The following CSPG4 variants were observed in gnomAD, a reference collection of about 807,000 sequenced individuals.
The protein encoded by CSPG4 is chondroitin sulfate proteoglycan 4 (melanoma-associated).
CSPG4 carries 74 observed loss-of-function variants against 139.3 expected under a neutral mutation model. The ratio of observed to expected loss-of-function variants is 0.53; its 90% CI spans 0.44 to 0.64. The LOEUF (loss-of-function observed/expected upper bound fraction) is 0.64, where lower values mean the gene tolerates loss of function less well. CSPG4 is among the 30% of genes least tolerant of loss of function. The probability of loss-of-function intolerance (pLI) is 0.00; values close to 1 mark genes in which losing one functional copy is unlikely to be tolerated. For synonymous variants in CSPG4, 1,234 were observed against 1,394.2 expected, an observed-to-expected ratio of 0.89 and a Z score of 2.56; for missense variants, 2,565 against 3,148.3, an observed-to-expected ratio of 0.81 and a Z score of 4.43.
Position 75,688,113 on chromosome 15 carries a change from G to A in CSPG4, c.2952C>T (p.Ile984=), listed in dbSNP as rs757763629. Residue 984 remains isoleucine (I), a synonymous_variant, in exon 3 of 10, where the codon ATC becomes ATT. Transcript: ENST00000308508. ...CGCCCTGGCGGGTAGCAACAAATGG[G>A]ATATCATCTTCTGTGGTCTCGGAGT... ...HDDSETTEDD[I]PFVATRQGES... The A allele has an allele frequency of 6.2e-7, 1 of 1,612,864 alleles. No homozygotes were observed. Among genetic ancestry groups the A allele is most frequent in the Non-Finnish European group, 8.5e-7 (1 of 1,179,874 alleles).
At chr15:75,703,906 G>A (rs1439007033) in intron 1 of CSPG4, among the ~76,000 whole-genome samples, 2 of 105,456 alleles carry the variant, frequency 1.9e-5, no homozygotes, top group Non-Finnish European at 3.9e-5. Flanking sequence ...GGGGCTGGGT[G>A]GGTCTGGCTG....
At chr15:75,693,032 C>T in intron 2 of CSPG4, 38 bp downstream of exon 2, 1 of 1,061,548 alleles carries the variant, frequency 9.4e-7, no homozygotes. Context: ...GGAATCCCAC[C>T]CCGAATCCCG....
At chr15:75,708,984 A>C (rs2141442359) in intron 1 of CSPG4, among the ~76,000 whole-genome samples, 1 of 152,250 alleles carries the variant, frequency 6.6e-6, no homozygotes, top group South Asian at 2.1e-4. Flanking sequence ...CCTGACCTGC[A>C]GGGCTGCTGT....
chr15:75,692,397 G>A (rs1457684321), intron 2 of CSPG4, among the ~76,000 whole-genome samples: 1 of 152,216 alleles, frequency 6.6e-6, no homozygotes, highest in Non-Finnish European at 1.5e-5. Flanking sequence ...TGGGATTATA[G>A]GCATGAGCCA....
intron 2 of CSPG4, among the ~76,000 whole-genome samples, chr15:75,691,152 C>T (rs1206055349): frequency 6.6e-6 from 1 of 152,144 alleles, no homozygotes; most frequent in Non-Finnish European, 1.5e-5. Flanking sequence ...CCAGCCTGGG[C>T]AGCAAGAGCG....
rs1317257022 is a variant in CSPG4 at position 75,682,315 on chromosome 15, A to G, written c.4928T>C (p.Leu1643Pro). Residue 1643 changes from leucine (L) to proline (P), a missense_variant, in exon 8 of 10, where the codon CTG becomes CCG. Leu to Pro is a moderately conservative substitution (Grantham distance 98, BLOSUM62 -3). This residue lies in a region of CSPG4 where 2,316 missense variants were observed against 2,818.2 expected (regional missense o/e 0.82). Coordinates refer to ENST00000308508, the MANE Select transcript of CSPG4 (RefSeq NM_001897.5). ...TACCTCTGCCTGAGTGAAGTTCACC[A>G]GGGCCTCCCCTGTGCTGTCCTGCTG... ...HAQQDSTGEA[L>P]VNFTQAEVYA... is the part of the protein sequence containing the mutation. 1 of 1,596,652 alleles carries G rather than the reference A, an allele frequency of 6.3e-7. No individual in the cohort carries two copies. The highest frequency in any genetic ancestry group is 2.2e-5 in the East Asian group (1 of 44,864).
chr15:75,689,346 C>T lies in CSPG4; in HGVS notation c.1719G>A (p.Leu573=), dbSNP rs755629969. The T allele has an allele frequency of 5.0e-6, 8 of 1,611,680 alleles. No individual in the cohort carries two copies. The highest frequency in any genetic ancestry group is 2.2e-5 in the South Asian group (2 of 91,014). The change falls in exon 3 of 10, where the codon CTG becomes CTA. Residue 573 remains leucine (L), a synonymous_variant. Coordinates refer to ENST00000308508, the MANE Select transcript of CSPG4 (RefSeq NM_001897.5). The part of the protein sequence containing the change: ...MVILEHTQKP[L]GPEVFQAYDP... ...CATAGGCCTGGAAAACCTCAGGCCC[C>T]AGCGGCTTCTGCGTGTGTTCCAGGA...
rs1226254595 is a variant in CSPG4 at position 75,674,476 on chromosome 15, A to G, written c.*1074T>C. The G allele has an allele frequency of 2.7e-6, 1 of 368,510 alleles. No individual in the cohort carries two copies. Among genetic ancestry groups the G allele is most frequent in the Non-Finnish European group, 4.8e-6 (1 of 206,946 alleles). The allele number at this position is 368,510 out of a possible 1,614,324, so 22.8% of individuals were successfully genotyped here. A position where few individuals can be genotyped will look rare whatever the true frequency, so the allele number is the denominator to read the frequency against. ...GGGCACAGGAGGTCTGGGAGGCCCC[A>G]GGAGGTGGAAGTTCAGAGGCCTGCC... is the stretch of plus-strand genomic sequence containing the variant. On this transcript the variant is annotated 3_prime_UTR_variant, in exon 10 of 10. Transcript: ENST00000308508.
At position 75,687,937 on chromosome 15, in the gene CSPG4, G is replaced by T. The variant is rs571159007; in HGVS notation, c.3128C>A (p.Ala1043Asp). 6.2e-7 allele frequency: 1 copy of T among 1,612,958 alleles called. No individual in the cohort carries two copies. The highest frequency in any genetic ancestry group is 8.5e-7 in the Non-Finnish European group (1 of 1,180,034). The change falls in exon 3 of 10, where the codon GCC (alanine) becomes GAC (aspartate). Residue 1043 changes from alanine to aspartate, a missense_variant. By Grantham distance (126) the Ala-to-Asp change is moderately radical (BLOSUM62 -2). Transcript: ENST00000308508. This position sits in a 1 kb window ranked among gnomAD's most constrained non-coding sequence, Gnocchi z 5.4. ...GRRLLTTDDVAFSDADSGFAD... is the reference protein window; with the variant it reads ...GRRLLTTDDVDFSDADSGFAD... The stretch of plus-strand genomic sequence containing the variant: ...AAAGCCCGAGTCAGCATCGCTGAAG[G>T]CCACGTCGTCTGTAGTCAGCAGCCG...
Position 75,695,670 on chromosome 15 carries a change from G to C in CSPG4, c.89-2437C>G, listed in dbSNP as rs553272628. On this transcript the variant is annotated intron_variant, in intron 1 of 9. Coordinates refer to ENST00000308508, the MANE Select transcript of CSPG4 (RefSeq NM_001897.5). ...ATCCCTGTCTTGGAGGTGGTGGGGG[G>C]GCAGTTGAAGAGGGGCTTCAAATGG... Among the ~76,000 whole-genome samples the C allele has an allele frequency of 1.4e-4, 22 of 152,274 alleles. No homozygotes were observed. In the South Asian group the frequency reaches 4.6e-3, roughly 32 times the overall value.
In CSPG4 at chr15:75,682,987, C is replaced by A. The variant is rs377495164; in HGVS notation, c.4504G>T (p.Gly1502Cys). 1 of 1,611,358 alleles carries A rather than the reference C, an allele frequency of 6.2e-7. No individual in the cohort carries two copies. Among genetic ancestry groups the A allele is most frequent in the Non-Finnish European group, 8.5e-7 (1 of 1,179,688 alleles). The change falls in exon 6 of 10, where the codon GGC becomes TGC. Residue 1502 changes from glycine to cysteine, a missense_variant. Physicochemically the swap from Gly to Cys is radical, Grantham distance 159 (BLOSUM62 -3). Coordinates refer to ENST00000308508, the MANE Select transcript of CSPG4 (RefSeq NM_001897.5). ...ACCAGATCCTCAGACCCAGAGTCGC[C>A]GTCCGTGCTCCTCAGAGCCTCCGCA... ...IPAEALRSTD[G>C]DSGSEDLVYT...
chr15:75,706,233 C>T (rs1276608831), intron 1 of CSPG4, among the ~76,000 whole-genome samples: 1 of 152,230 alleles, frequency 6.6e-6, no homozygotes, highest in East Asian at 1.9e-4. Flanking sequence ...TCCCCAGCCC[C>T]CTCTGTCTCC....
rs766642886 is a variant in CSPG4 at position 75,676,277 on chromosome 15, G to A, written c.6242C>T (p.Pro2081Leu). Residue 2081 changes from proline to leucine, a missense_variant, in exon 10 of 10, where the codon CCG becomes CTG. By Grantham distance (98) the Pro-to-Leu change is moderately conservative. Around this residue, in one of 5 missense-constraint regions of CSPG4, gnomAD observed 2,316 missense variants for 2,818.2 expected, o/e 0.82. Coordinates refer to ENST00000308508, the MANE Select transcript of CSPG4 (RefSeq NM_001897.5). ...GGGTCCCTCCAGGAGGCGGAAGCGC[G>A]GCACACTGCCTGTGCGGTTGGCCAG... ...GELANRTGSV[P>L]RFRLLEGPRH... 8.2e-6 allele frequency: 13 copies of A among 1,585,830 alleles called. No individual in the cohort carries two copies. Among genetic ancestry groups the A allele is most frequent in the African/African-American group, 4.0e-5 (3 of 74,566 alleles).
At position 75,687,844 on chromosome 15, in the gene CSPG4, G is replaced by T; in HGVS notation, c.3221C>A (p.Pro1074His). 1.9e-6 allele frequency: 3 copies of T among 1,612,908 alleles called. No individual in the cohort carries two copies. The highest frequency in any genetic ancestry group is 2.5e-6 in the Non-Finnish European group (3 of 1,180,026). The change falls in exon 3 of 10, where the codon CCC becomes CAC. Residue 1074 changes from proline to histidine, a missense_variant. Coordinates refer to ENST00000308508, the MANE Select transcript of CSPG4 (RefSeq NM_001897.5). This position sits in a 1 kb window ranked among gnomAD's most constrained non-coding sequence, Gnocchi z 5.4. ...LFGSIVAVDE[P>H]TRPIYRFTQE... ...GGTGAAGCGGTAGATGGGCCGCGTG[G>T]GCTCATCTACGGCCACGATACTGCC...
At chr15:75,677,627 T>G (rs905008697) in intron 9 of CSPG4, 76 bp downstream of exon 9, 4 of 1,470,398 alleles carry the variant, frequency 2.7e-6, no homozygotes, top group East Asian at 2.4e-5. Flanking sequence ...CTGCTGACCC[T>G]GGCCTCGTGT....
At chr15:75,709,861 G>A (rs1338954510) in intron 1 of CSPG4, among the ~76,000 whole-genome samples, 5 of 151,996 alleles carry the variant, frequency 3.3e-5, no homozygotes, top group East Asian at 1.9e-4. Flanking sequence ...GCGGGCAGGC[G>A]TAGGGAGGGA....
rs758591544 is a variant in CSPG4 at position 75,687,226 on chromosome 15, A to C, written c.3789+50T>G. The C allele has an allele frequency of 6.3e-7, 1 of 1,586,500 alleles. No individual in the cohort carries two copies. The highest frequency in any genetic ancestry group is 1.7e-5 in the Admixed American group (1 of 59,844). On this transcript the variant is annotated intron_variant, in intron 3 of 9. Coordinates refer to ENST00000308508, the MANE Select transcript of CSPG4 (RefSeq NM_001897.5). The surrounding 1 kb of genome is among the most constrained non-coding windows in gnomAD (Gnocchi z 5.4). ...GTGTTCCTGGCATGGAGGCTGGGAG[A>C]AGGCCCTCTACCTGGCCCACACCCC...
rs1283064938 is a variant in CSPG4 at position 75,677,367 on chromosome 15, C to T, written c.5152G>A (p.Gly1718Ser). 2 of 1,394,180 alleles carry T rather than the reference C, an allele frequency of 1.4e-6. No homozygotes were observed. The highest frequency in any genetic ancestry group is 1.9e-6 in the Non-Finnish European group (2 of 1,071,026). 86.4% of individuals were successfully genotyped at this position (1,394,180 alleles called of 1,614,324 possible). ...GCCACGGTGATCCTGGCCCGCTGGC[C>T]CTCGGGGACCCAGAGACCTGGGGGT... ...WKNKGLWVPEGQRARITVAAL... is the reference protein window; with the variant it reads ...WKNKGLWVPESQRARITVAAL... Residue 1718 changes from glycine (G) to serine (S), a missense_variant, in exon 10 of 10, where the codon GGC becomes AGC. Around this residue, in one of 5 missense-constraint regions of CSPG4, gnomAD observed 2,316 missense variants for 2,818.2 expected, o/e 0.82. Transcript: ENST00000308508.
rs1027580838 is a variant in CSPG4 at position 75,675,809 on chromosome 15, G to A, written c.6710C>T (p.Ala2237Val). 1.4e-5 allele frequency: 23 copies of A among 1,613,172 alleles called. No individual in the cohort carries two copies. The highest frequency in any genetic ancestry group is 8.8e-5 in the South Asian group (8 of 91,092). ...GTAGAAGAGCAGGGGCAGGATGAGC[G>A]CCAGGAGCAGAAGTACCAGGCACAT... Reference protein sequence around the residue: ...IPMCLVLLLLALILPLLFYLR... With the variant: ...IPMCLVLLLLVLILPLLFYLR... Residue 2237 changes from alanine to valine, a missense_variant, in exon 10 of 10, where the codon GCG becomes GTG. Ala to Val is a moderately conservative substitution (Grantham distance 64). Transcript: ENST00000308508.
Sources: allele counts gnomAD v4.1 joint callset (sites outside exome capture counted in the v4.1 genomes callset), GRCh38; gene constraint gnomAD v4.1.1; regional missense constraint gnomAD v4.1.1; non-coding constraint Gnocchi (gnomAD v3.1); transcripts MANE v1.5; gene names NCBI Gene and HGNC (gene_info 2026-07-23, HGNC 2026-07-21).